Variants in ZNF385D observed in about 807,000 individuals in gnomAD.
ZNF385D encodes the protein zinc finger protein 385D.
A neutral mutation model predicts 35.8 loss-of-function variants in ZNF385D; 15 were observed. The observed-to-expected ratio is 0.42, with a 90% CI of 0.28 to 0.64. The LOEUF is 0.64. Ranked by LOEUF, ZNF385D falls within the 30% of genes least tolerant of loss-of-function variation. The probability of loss-of-function intolerance (pLI) is 0.23; values close to 1 mark genes in which losing one functional copy is unlikely to be tolerated. For synonymous variants in ZNF385D, 212 were observed against 186.8 expected (o/e 1.13, Z -1.10); for missense variants, 474 against 494.6 (o/e 0.96, Z 0.39).
chr3:22,302,639 T>C, intron 2 of ZNF385D, among the ~76,000 whole-genome samples: 1 of 151,996 alleles, frequency 6.6e-6, no homozygotes, highest in African/African-American at 2.4e-5. Context: ...GGGATAGCTT[T>C]GTTGGGCTTT....
intron 3 of ZNF385D, among the ~76,000 whole-genome samples, chr3:21,995,279 G>A (rs565290288): frequency 2.0e-5 from 3 of 152,294 alleles, no homozygotes; most frequent in African/African-American, 4.8e-5. Context: ...AGGTGCCAGT[G>A]GCAAAAGGCC....
intron 2 of ZNF385D, among the ~76,000 whole-genome samples, chr3:21,634,098 G>A (rs1304271939): frequency 6.6e-6 from 1 of 152,004 alleles, no homozygotes; most frequent in Admixed American, 6.6e-5. Flanking sequence ...TAGGGAGGCT[G>A]AAGTGGAAGA....
At chr3:21,980,937 T>C (rs1369251398) in intron 3 of ZNF385D, among the ~76,000 whole-genome samples, 10 of 152,192 alleles carry the variant, frequency 6.6e-5, no homozygotes, top group African/African-American at 2.4e-4. Context: ...ATGGTATATA[T>C]GTACCACATT....
chr3:21,714,701 A>G (rs1004489756), intron 1 of ZNF385D, among the ~76,000 whole-genome samples: 3 of 152,140 alleles, frequency 2.0e-5, no homozygotes, highest in Non-Finnish European at 4.4e-5. Context: ...AATTTTCCTG[A>G]TCCTATATCC....
At chr3:22,190,812 T>C (rs1010878031) in intron 2 of ZNF385D, among the ~76,000 whole-genome samples, 22 of 152,140 alleles carry the variant, frequency 1.4e-4, no homozygotes, top group Admixed American at 5.9e-4. Flanking sequence ...CTAGATAGAT[T>C]TCCATTCTTA....
intron 3 of ZNF385D, among the ~76,000 whole-genome samples, chr3:21,923,605 C>T (rs993039097): frequency 6.6e-6 from 1 of 152,088 alleles, no homozygotes; most frequent in Non-Finnish European, 1.5e-5. Flanking sequence ...ATGGAATCAA[C>T]CTAGGTGTTT....
chr3:21,466,462 T>C (rs1452652905), intron 4 of ZNF385D, among the ~76,000 whole-genome samples: 6 of 152,166 alleles, frequency 3.9e-5, no homozygotes, highest in African/African-American at 7.2e-5. Context: ...AAGAAAGTTC[T>C]TTTTCTATGA....
At chr3:22,233,670 C>T (rs1193980669) in intron 2 of ZNF385D, among the ~76,000 whole-genome samples, 3 of 152,138 alleles carry the variant, frequency 2.0e-5, no homozygotes, top group Non-Finnish European at 2.9e-5. Flanking sequence ...CACACCACTT[C>T]ACTGAAATTA....
At chr3:21,573,736 A>AAGTT (rs1220707165) in intron 2 of ZNF385D, among the ~76,000 whole-genome samples, 5 of 152,158 alleles carry the variant, frequency 3.3e-5, no homozygotes, top group Admixed American at 3.3e-4. Context: ...AGAAAGTAGG[A>AAGTT]AGTTAGAATC....
chr3:21,802,629 TATAAG>T (rs2072457963), intron 3 of ZNF385D, among the ~76,000 whole-genome samples: 2 of 152,156 alleles, frequency 1.3e-5, no homozygotes, highest in South Asian at 4.1e-4. Flanking sequence ...AGGCCAACTG[TATAAG>T]ATGATGATTT....
intron 2 of ZNF385D, among the ~76,000 whole-genome samples, chr3:22,272,320 T>C (rs1338474282): frequency 6.6e-6 from 1 of 152,030 alleles, no homozygotes; most frequent in African/African-American, 2.4e-5. Context: ...CCCGTTGAGA[T>C]ATTGGAGATA....
intron 3 of ZNF385D, among the ~76,000 whole-genome samples, chr3:21,934,279 G>A (rs1198923458): frequency 1.3e-5 from 2 of 152,102 alleles, no homozygotes; most frequent in Non-Finnish European, 2.9e-5. Context: ...TTAGAGTGAA[G>A]AAGAGCCTAC....
intron 2 of ZNF385D, among the ~76,000 whole-genome samples, chr3:22,269,899 T>C (rs1701086367): frequency 6.6e-6 from 1 of 151,840 alleles, no homozygotes; most frequent in East Asian, 2.0e-4. Context: ...TAAGATCTGG[T>C]AATCCGCTAT....
At chr3:22,170,731 AT>A (rs1238868795) in intron 2 of ZNF385D, among the ~76,000 whole-genome samples, 10 of 152,174 alleles carry the variant, frequency 6.6e-5, no homozygotes, top group African/African-American at 2.4e-4. Flanking sequence ...AAATAAAAAA[AT>A]GTAAGTATCT....
chr3:21,590,803 T>G (rs77240852), intron 2 of ZNF385D, among the ~76,000 whole-genome samples: 3,815 of 152,218 alleles, frequency 0.025, 154 homozygotes, highest in African/African-American at 0.087. Context: ...TTAATCTCAT[T>G]TCCATTATAT....
At position 21,664,981 on chromosome 3, in the gene ZNF385D, C is replaced by G. The variant is rs28576101; in HGVS notation, c.70G>C (p.Ala24Pro). ...TCCAGCGATGGTTGCAAAGGAGGGG[C>G]TGGTGGACGGACAAGGGCCGGGAGA... ...PALPALVRPP[A>P]PPLQPSLDIK... is the part of the protein sequence containing the mutation. The change falls in exon 2 of 8, where the codon GCC (alanine) becomes CCC (proline). Residue 24 changes from alanine to proline, a missense_variant. Coordinates refer to ENST00000281523, the MANE Select transcript of ZNF385D (RefSeq NM_024697.3). 3.4e-4 allele frequency: 547 copies of G among 1,613,428 alleles called. 3 individuals are homozygous for G. In the African/African-American group the frequency reaches 6.4e-3, roughly 19 times the overall value.
At chr3:22,203,812 G>A (rs1307027678) in intron 2 of ZNF385D, among the ~76,000 whole-genome samples, 1 of 152,148 alleles carries the variant, frequency 6.6e-6, no homozygotes, top group Non-Finnish European at 1.5e-5. Context: ...TATTAGCTCA[G>A]TCGCAGTAGA....
At chr3:21,906,941 T>C (rs1699713363) in intron 3 of ZNF385D, among the ~76,000 whole-genome samples, 2 of 152,156 alleles carry the variant, frequency 1.3e-5, no homozygotes, top group Non-Finnish European at 2.9e-5. Flanking sequence ...TGCTCTTCCC[T>C]GTTTCCCACT....
At chr3:21,631,221 A>C (rs529052346) in intron 2 of ZNF385D, among the ~76,000 whole-genome samples, 1 of 152,228 alleles carries the variant, frequency 6.6e-6, no homozygotes, top group African/African-American at 2.4e-5. Flanking sequence ...GAACAGTAGC[A>C]TCTGGCTCCT....
Sources: allele counts gnomAD v4.1 joint callset (sites outside exome capture counted in the v4.1 genomes callset), GRCh38; gene constraint gnomAD v4.1.1; transcripts MANE v1.5; gene names NCBI Gene and HGNC (gene_info 2026-07-23, HGNC 2026-07-21).